RBFOX1: variants seen among roughly 807,000 people sequenced by gnomAD.
The protein encoded by RBFOX1 is RNA binding fox-1 homolog 1.
Under a neutral mutation model 57.7 loss-of-function variants are expected in RBFOX1, and 8 were observed. The observed-to-expected ratio is 0.14, with a 90% CI of 0.08 to 0.25. The LOEUF (loss-of-function observed/expected upper bound fraction) is 0.25, where lower values mean the gene tolerates loss of function less well. RBFOX1 is among the 10% of genes least tolerant of loss of function. The pLI is 1.00. For synonymous variants in RBFOX1, 326 were observed against 222.4 expected (o/e 1.47, Z -4.15); for missense variants, 611 against 548.5 (o/e 1.11, Z -1.14).
intron 3 of RBFOX1, among the ~76,000 whole-genome samples, chr16:6,892,197 C>A (rs937751141): frequency 2.0e-5 from 3 of 152,078 alleles, no homozygotes; most frequent in East Asian, 1.9e-4. Flanking sequence ...AAGTTAATGC[C>A]CTTTGGCCAA....
chr16:6,993,985 G>A (rs920190133), intron 3 of RBFOX1, among the ~76,000 whole-genome samples: 2 of 152,184 alleles, frequency 1.3e-5, no homozygotes, highest in Non-Finnish European at 2.9e-5. Flanking sequence ...GGGTGGAGGT[G>A]GCTTTAGAAG....
chr16:6,085,701 C>T (rs946882988), intron 1 of RBFOX1, among the ~76,000 whole-genome samples: 4 of 152,046 alleles, frequency 2.6e-5, no homozygotes, highest in African/African-American at 7.2e-5. Flanking sequence ...CGCACATGCA[C>T]GTAAGGGGAT....
intron 4 of RBFOX1, among the ~76,000 whole-genome samples, chr16:7,312,291 A>C (rs1047259793): frequency 6.6e-6 from 1 of 152,198 alleles, no homozygotes; most frequent in African/African-American, 2.4e-5. Flanking sequence ...GAGGCAGGAG[A>C]ATCACTTGAA....
At chr16:5,945,236 T>G (rs1016204993) in intron 4 of RBFOX1, among the ~76,000 whole-genome samples, 10 of 152,152 alleles carry the variant, frequency 6.6e-5, no homozygotes, top group African/African-American at 2.2e-4. Context: ...TGCCTGGCCC[T>G]TCGTGGGTCT....
intron 4 of RBFOX1, among the ~76,000 whole-genome samples, chr16:7,461,975 T>G (rs960386151): frequency 6.6e-6 from 1 of 152,192 alleles, no homozygotes; most frequent in Non-Finnish European, 1.5e-5. Flanking sequence ...TGAACGGATG[T>G]CAAGGAGGAT....
intron 1 of RBFOX1, among the ~76,000 whole-genome samples, chr16:6,054,005 T>G (rs764952150): frequency 2.0e-5 from 3 of 152,080 alleles, no homozygotes; most frequent in Non-Finnish European, 4.4e-5. Context: ...ACAGTGTTGG[T>G]GCCACTGTAC....
intron 3 of RBFOX1, among the ~76,000 whole-genome samples, chr16:5,846,855 C>T (rs745896061): frequency 6.6e-6 from 1 of 152,188 alleles, no homozygotes; most frequent in Non-Finnish European, 1.5e-5. Flanking sequence ...ACCTTCAGAG[C>T]AGCTGCGGAG....
intron 4 of RBFOX1, among the ~76,000 whole-genome samples, chr16:7,359,122 T>G (rs2097271703): frequency 6.6e-6 from 1 of 152,224 alleles, no homozygotes; most frequent in South Asian, 2.1e-4. Flanking sequence ...GTTAAACATG[T>G]TGGCTTTGGG....
At chr16:5,501,281 A>G (rs558104350) in intron 2 of RBFOX1, among the ~76,000 whole-genome samples, 14 of 139,682 alleles carry the variant, frequency 1.0e-4, no homozygotes, top group South Asian at 2.3e-4. Context: ...TTGCTCCACT[A>G]CATTCCAGCC....
In RBFOX1 at chr16:6,314,572, G is replaced by A. The variant is rs549831335; in HGVS notation, c.-126-2423G>A. On this transcript the variant is annotated intron_variant, in intron 1 of 15. Transcript: ENST00000550418. ...GAAGGTTGTAATCGAAGGGCTAAAGGAATACTAGTGCACTGTGTCTTAAGT... is the reference window on the plus strand; with the variant it reads ...GAAGGTTGTAATCGAAGGGCTAAAGAAATACTAGTGCACTGTGTCTTAAGT... Among the ~76,000 whole-genome samples, 12 of 152,280 alleles carry A rather than the reference G, an allele frequency of 7.9e-5. No individual in the cohort carries two copies. The East Asian group carries it at 2.1e-3, about 27-fold the overall frequency.
At chr16:7,292,372 C>G (rs1026091711) in intron 4 of RBFOX1, among the ~76,000 whole-genome samples, 1 of 133,646 alleles carries the variant, frequency 7.5e-6, no homozygotes, top group African/African-American at 2.8e-5. Context: ...TGTTATATAT[C>G]ATATATGATA....
intron 3 of RBFOX1, among the ~76,000 whole-genome samples, chr16:6,982,084 T>A (rs1307297190): frequency 6.6e-6 from 1 of 152,208 alleles, no homozygotes; most frequent in East Asian, 1.9e-4. Flanking sequence ...TGTTGGTTTA[T>A]ATAACAAGAA....
Position 7,058,005 on chromosome 16 carries a change from G to GAAAAAAA in RBFOX1, c.27+5907_27+5908insAAAAAAA, listed in dbSNP as rs145498650. Among the ~76,000 whole-genome samples, 73 of 121,582 alleles carry GAAAAAAA rather than the reference G, an allele frequency of 6.0e-4. 5 individuals are homozygous for GAAAAAAA. Among genetic ancestry groups the GAAAAAAA allele is most frequent in the African/African-American group, 1.1e-3 (35 of 31,024 alleles). The allele number at this position is 121,582 out of a possible 152,430, so 79.8% of individuals were successfully genotyped here. On this transcript the variant is annotated intron_variant, in intron 4 of 15. Transcript: ENST00000550418. ...TCTGGTCGACAGAGGGAGACTGTGGGGAAAAAAAAAAAAAAAACACGAAAA... is the reference window on the plus strand; with the variant it reads ...TCTGGTCGACAGAGGGAGACTGTGGGAAAAAAAGAAAAAAAAAAAAAAAACACGAAAA...
At chr16:6,245,879 C>G (rs1198025068) in intron 1 of RBFOX1, among the ~76,000 whole-genome samples, 3 of 152,210 alleles carry the variant, frequency 2.0e-5, no homozygotes, top group Non-Finnish European at 4.4e-5. Context: ...TTTGTTGAGA[C>G]ACAGAGTATC....
intron 2 of RBFOX1, among the ~76,000 whole-genome samples, chr16:6,634,662 GTA>G (rs1263942531): frequency 1.3e-5 from 1 of 75,332 alleles, no homozygotes; most frequent in African/African-American, 3.7e-5. Flanking sequence ...ACAAATATAT[GTA>G]TATATGTAAA....
chr16:6,947,055 A>T (rs1000785273), intron 3 of RBFOX1, among the ~76,000 whole-genome samples: 10 of 152,148 alleles, frequency 6.6e-5, no homozygotes, highest in African/African-American at 2.2e-4. Flanking sequence ...CTCATCTGTA[A>T]TTGAGAGAAG....
intron 1 of RBFOX1, among the ~76,000 whole-genome samples, chr16:5,268,180 C>G (rs1184109793): frequency 2.6e-5 from 4 of 152,256 alleles, no homozygotes; most frequent in Admixed American, 6.5e-5. Flanking sequence ...CCTTGATCGG[C>G]TTCATCCTGC....
At chr16:5,250,962 G>A (rs1257775806) in intron 1 of RBFOX1, among the ~76,000 whole-genome samples, 3 of 152,258 alleles carry the variant, frequency 2.0e-5, no homozygotes, top group Non-Finnish European at 4.4e-5. Context: ...CCAGTCATCC[G>A]GCTCCCCCAG....
Position 5,499,628 on chromosome 16 carries a change from C to T in RBFOX1, c.258+32374C>T, listed in dbSNP as rs78916461. Reference sequence around the variant, plus strand: ...CGCTGTATCGTCCAGGCTGGAGTACCGTGGTGTGATCTCAGCTCACTGCAG... The same window carrying T: ...CGCTGTATCGTCCAGGCTGGAGTACTGTGGTGTGATCTCAGCTCACTGCAG... On this transcript the variant is annotated intron_variant, in intron 2 of 2. Transcript: ENST00000585867. Among the ~76,000 whole-genome samples the T allele has an allele frequency of 2.2e-4, 34 of 151,460 alleles. 1 individual carries two copies. The South Asian group carries it at 5.9e-3, about 26-fold the overall frequency.
Sources: gnomAD v4.1 joint callset for allele counts (sites outside exome capture counted in the v4.1 genomes callset) on GRCh38, gnomAD v4.1.1 for gene constraint, MANE v1.5 for transcripts, NCBI Gene and HGNC (gene_info 2026-07-23, HGNC 2026-07-21) for gene names.